CHCHD3: variants seen among roughly 807,000 people sequenced by gnomAD.
CHCHD3 encodes MICOS complex subunit MIC19.
CHCHD3 carries 20 observed loss-of-function variants against 38.2 expected under a neutral mutation model. The ratio of observed to expected loss-of-function variants is 0.52; its 90% CI spans 0.37 to 0.76. CHCHD3 has a LOEUF of 0.76. CHCHD3 is among the 30% of genes least tolerant of loss of function. The pLI, the probability that CHCHD3 is intolerant of heterozygous loss-of-function variation, is 0.00. For missense variants in CHCHD3, 245 were observed against 279.2 expected, an observed-to-expected ratio of 0.88 and a Z score of 0.87; for synonymous variants, 82 against 100.0, an observed-to-expected ratio of 0.82 and a Z score of 1.07.
chr7:132,909,878 A>C (rs889946670), intron 4 of CHCHD3, among the ~76,000 whole-genome samples: 1 of 152,234 alleles, frequency 6.6e-6, no homozygotes, highest in Non-Finnish European at 1.5e-5. Context: ...GGTTACAGAG[A>C]AACTCCTATG....
In CHCHD3 at chr7:132,871,056, T is replaced by C. The variant is rs190538384; in HGVS notation, c.453+14606A>G. On this transcript the variant is annotated intron_variant, in intron 5 of 7. Coordinates refer to ENST00000262570, the MANE Select transcript of CHCHD3 (RefSeq NM_017812.4). The stretch of plus-strand genomic sequence containing the variant: ...TCTTGTTTTATTGTCTGGCAAGACT[T>C]GAAGCACAGAATTTCATCATAATTA... Among the ~76,000 whole-genome samples the C allele has an allele frequency of 2.6e-3, 398 of 152,322 alleles. 4 individuals are homozygous for C. The highest frequency in any genetic ancestry group is 9.1e-3 in the African/African-American group (378 of 41,556).
chr7:132,912,569 C>A (rs75403279), intron 4 of CHCHD3, among the ~76,000 whole-genome samples: 1 of 150,928 alleles, frequency 6.6e-6, no homozygotes, highest in South Asian at 2.1e-4. Flanking sequence ...TTTTTTTTTT[C>A]TTTGAGACAA....
intron 4 of CHCHD3, among the ~76,000 whole-genome samples, chr7:132,907,835 G>T (rs892388610): frequency 1.2e-4 from 19 of 152,154 alleles, no homozygotes; most frequent in African/African-American, 4.6e-4. Flanking sequence ...TGTGCTGAAT[G>T]ACAGCTATGT....
In CHCHD3 at chr7:132,845,176, T is replaced by C. The variant is rs369198706; in HGVS notation, c.454-6707A>G. The C allele has an allele frequency of 2.0e-5, 3 of 152,194 alleles. No individual in the cohort carries two copies. The East Asian group carries it at 5.8e-4, about 29-fold the overall frequency. 9.4% of individuals were successfully genotyped at this position (152,194 alleles called of 1,614,324 possible). On this transcript the variant is annotated intron_variant, in intron 5 of 7. Transcript: ENST00000262570. ...ACTTAACCTCAACAGTTACTTTTCC[T>C]CTGTAAAACAGGACTAGTGTAACAA...
intron 2 of CHCHD3, among the ~76,000 whole-genome samples, chr7:133,036,809 C>T (rs1296072366): frequency 4.6e-5 from 7 of 152,106 alleles, no homozygotes; most frequent in Admixed American, 1.3e-4. Flanking sequence ...TATTAAAAAT[C>T]CTGACTGATG....
chr7:132,882,560 T>C (rs17418318), intron 5 of CHCHD3, among the ~76,000 whole-genome samples: 32,911 of 151,122 alleles, frequency 0.22, 3,845 homozygotes, highest in South Asian at 0.26. Flanking sequence ...TTGTTCTACT[T>C]GGTGCCAAAA....
intron 2 of CHCHD3, among the ~76,000 whole-genome samples, chr7:133,050,941 A>G (rs1166375602): frequency 6.6e-6 from 1 of 152,164 alleles, no homozygotes; most frequent in Non-Finnish European, 1.5e-5. Context: ...ACTTGAACCC[A>G]GGAGGCAGAG....
At chr7:132,963,502 G>A (rs565177607) in intron 4 of CHCHD3, among the ~76,000 whole-genome samples, 1 of 151,390 alleles carries the variant, frequency 6.6e-6, no homozygotes, top group South Asian at 2.1e-4. Flanking sequence ...CATGGTAATG[G>A]GCGCCTGTAG....
At chr7:132,917,858 C>CAAGAAAAAA (rs1554388165) in intron 4 of CHCHD3, among the ~76,000 whole-genome samples, 1 of 93,036 alleles carries the variant, frequency 1.1e-5, no homozygotes, top group African/African-American at 4.6e-5. Flanking sequence ...GACTCCATCT[C>CAAGAAAAAA]AAAAAAAAAA....
intron 5 of CHCHD3, among the ~76,000 whole-genome samples, chr7:132,875,914 T>G (rs543200279): frequency 1.3e-5 from 2 of 152,232 alleles, no homozygotes; most frequent in Non-Finnish European, 2.9e-5. Flanking sequence ...TATTTGATGA[T>G]GTTATGAGCT....
chr7:132,932,863 C>T (rs955695974), intron 4 of CHCHD3, among the ~76,000 whole-genome samples: 1 of 152,174 alleles, frequency 6.6e-6, no homozygotes, highest in Non-Finnish European at 1.5e-5. Context: ...CCATGAGGCC[C>T]TTCATCTAAC....
chr7:133,068,008 C>G (rs968463786), intron 2 of CHCHD3, among the ~76,000 whole-genome samples: 21 of 151,914 alleles, frequency 1.4e-4, no homozygotes, highest in African/African-American at 5.1e-4. Context: ...CCCAGCTACT[C>G]AGGAGACTGA....
At chr7:132,993,021 T>A (rs1430525516) in intron 3 of CHCHD3, among the ~76,000 whole-genome samples, 1 of 152,212 alleles carries the variant, frequency 6.6e-6, no homozygotes, top group Non-Finnish European at 1.5e-5. Context: ...TGTCATTCCA[T>A]CTTCTAGCTT....
intron 3 of CHCHD3, among the ~76,000 whole-genome samples, chr7:132,984,005 T>TC (rs1220902624): frequency 6.6e-6 from 1 of 151,672 alleles, no homozygotes; most frequent in Non-Finnish European, 1.5e-5. Flanking sequence ...CCCCACGGTC[T>TC]CCCTCTCCCC....
intron 5 of CHCHD3, among the ~76,000 whole-genome samples, chr7:132,880,100 C>T (rs1809015437): frequency 6.6e-6 from 1 of 152,124 alleles, no homozygotes; most frequent in Non-Finnish European, 1.5e-5. Context: ...GTATTAGAAG[C>T]TGGTAAGAGC....
Position 132,843,077 on chromosome 7 carries a change from G to A in CHCHD3, c.454-4608C>T, listed in dbSNP as rs978079191. 2.0e-4 allele frequency among the ~76,000 whole-genome samples: 31 copies of A among 152,122 alleles called. 1 individual carries two copies. The highest frequency in any genetic ancestry group is 1.0e-3 in the South Asian group (5 of 4,816). Reference sequence around the variant, plus strand: ...TTTTAAGATGGAATCTCACTCTTTCGCCCAGGCTGGAGTCCAGTGGCACAA... The same window carrying A: ...TTTTAAGATGGAATCTCACTCTTTCACCCAGGCTGGAGTCCAGTGGCACAA... On this transcript the variant is annotated intron_variant, in intron 5 of 7. Transcript: ENST00000262570.
At chr7:132,963,694 T>TACACACACACACACACACACAC (rs71178068) in intron 4 of CHCHD3, among the ~76,000 whole-genome samples, 68 of 148,904 alleles carry the variant, frequency 4.6e-4, no homozygotes, top group African/African-American at 1.6e-3. Context: ...CAAACGATTA[T>TACACACACACACACACACACAC]ACACACACAC....
intron 4 of CHCHD3, among the ~76,000 whole-genome samples, chr7:132,902,172 G>A (rs974927463): frequency 2.0e-5 from 3 of 152,244 alleles, no homozygotes; most frequent in African/African-American, 7.2e-5. Context: ...GAAACAACAG[G>A]TGCTGGAGAG....
At chr7:132,878,056 C>G (rs539392273) in intron 5 of CHCHD3, among the ~76,000 whole-genome samples, 1 of 152,246 alleles carries the variant, frequency 6.6e-6, no homozygotes, top group South Asian at 2.1e-4. Flanking sequence ...TTTAAGTTAT[C>G]TCCCCATCTC....
Sources: gnomAD v4.1 joint callset for allele counts (sites outside exome capture counted in the v4.1 genomes callset) on GRCh38, gnomAD v4.1.1 for gene constraint, MANE v1.5 for transcripts, NCBI Gene and HGNC (gene_info 2026-07-23, HGNC 2026-07-21) for gene names.